The following RNF8 variants were observed in gnomAD, a reference collection of about 807,000 sequenced individuals.
RNF8 encodes ring finger protein 8.
In RNF8, 8 loss-of-function variants were observed where a neutral mutation model predicts 59.3. That is an observed-to-expected ratio of 0.13 (90% CI 0.08 to 0.24). RNF8 has a LOEUF of 0.24. Among genes scored for constraint, RNF8 ranks in the 10% least tolerant of loss-of-function variants. The probability of loss-of-function intolerance (pLI) is 1.00; values close to 1 mark genes in which losing one functional copy is unlikely to be tolerated. For missense variants in RNF8, 406 were observed against 572.6 expected (o/e 0.71, Z 2.97); for synonymous variants, 162 against 200.0 (o/e 0.81, Z 1.60).
In RNF8 at chr6:37,376,918, T is replaced by C; in HGVS notation, c.1129-8T>C. 2 of 1,600,390 alleles carry C rather than the reference T, an allele frequency of 1.2e-6. No individual in the cohort carries two copies. Among genetic ancestry groups the C allele is most frequent in the Middle Eastern group, 1.7e-4 (1 of 6,040 alleles). ...TCTGAATGACAGGTAGGATTGTGTG[T>C]CTTGCAGGAAGAGAAGGAGAAGATG... On this transcript the variant is annotated splice_region_variant and splice_polypyrimidine_tract_variant and intron_variant, in intron 5 of 7. Transcript: ENST00000373479.
chr6:37,365,198 A>G (rs903324354), intron 2 of RNF8, among the ~76,000 whole-genome samples: 2 of 152,250 alleles, frequency 1.3e-5, no homozygotes, highest in Non-Finnish European at 2.9e-5. Flanking sequence ...CGATAATGCA[A>G]CAGTGTGGAC....
intron 7 of RNF8, among the ~76,000 whole-genome samples, chr6:37,386,158 T>C (rs1770486637): frequency 6.8e-6 from 1 of 146,996 alleles, no homozygotes; most frequent in African/African-American, 2.4e-5. Context: ...CCTATCACTC[T>C]TATTGGCACC....
chr6:37,357,569 C>G (rs1039521889), intron 1 of RNF8, among the ~76,000 whole-genome samples: 2 of 152,176 alleles, frequency 1.3e-5, no homozygotes, highest in African/African-American at 4.8e-5. Context: ...AGATAAATCC[C>G]TAGCCATTCC....
chr6:37,381,068 C>A, intron 6 of RNF8, 82 bp from the exon 7 acceptor site: 3 of 1,193,004 alleles, frequency 2.5e-6, no homozygotes, highest in African/African-American at 1.5e-5. Flanking sequence ...GAAATTCACT[C>A]CTGTCCTAAC....
chr6:37,382,108 T>C (rs1034898152), intron 7 of RNF8, among the ~76,000 whole-genome samples: 2 of 152,304 alleles, frequency 1.3e-5, no homozygotes, highest in East Asian at 3.9e-4. Context: ...ACAGGAATAC[T>C]ACACTAGGCA....
At position 37,360,559 on chromosome 6, in the gene RNF8, A is replaced by C; in HGVS notation, c.225A>C (p.Thr75=). The change falls in exon 2 of 8, where the codon ACA becomes ACC. Residue 75 remains threonine (T), a synonymous_variant. Coordinates refer to ENST00000373479, the MANE Select transcript of RNF8 (RefSeq NM_003958.4). The surrounding 1 kb of genome is among the most constrained non-coding windows in gnomAD (Gnocchi z 4.2). ...AGCAGAATCCTGAGGGCCAATGGAC[A>C]ATTATGGACAACAAGGTACAGGAAT... The part of the protein sequence containing the change: ...VLKQNPEGQW[T]IMDNKSLNGV... The C allele has an allele frequency of 6.2e-7, 1 of 1,613,940 alleles. No individual in the cohort carries two copies. Among genetic ancestry groups the C allele is most frequent in the Middle Eastern group, 1.7e-4 (1 of 6,060 alleles).
chr6:37,358,894 C>T (rs1170038514), intron 1 of RNF8, among the ~76,000 whole-genome samples: 2 of 151,882 alleles, frequency 1.3e-5, no homozygotes, highest in African/African-American at 2.4e-5. Context: ...ATCAGGAGTT[C>T]GAGACCAGCC....
rs547379096 is a variant in RNF8 at position 37,390,943 on chromosome 6, T to C, written c.*185T>C. ...ACGGTGGCCAGCCCTGCTGCCATCA[T>C]TGGCTGAAGCACCACCAGGATTCAC... On this transcript the variant is annotated 3_prime_UTR_variant, in exon 8 of 8. Coordinates refer to ENST00000373479, the MANE Select transcript of RNF8 (RefSeq NM_003958.4). 19 of 918,898 alleles carry C rather than the reference T, an allele frequency of 2.1e-5. 1 individual carries two copies. Among genetic ancestry groups the C allele is most frequent in the African/African-American group, 1.5e-4 (9 of 61,594 alleles). 56.9% of individuals were successfully genotyped at this position (918,898 alleles called of 1,614,324 possible).
At chr6:37,372,296 C>T (rs1283641630) in intron 4 of RNF8, among the ~76,000 whole-genome samples, 1 of 152,090 alleles carries the variant, frequency 6.6e-6, no homozygotes, top group Non-Finnish European at 1.5e-5. Flanking sequence ...GGGAATTTAT[C>T]CTTTTATCGT....
At chr6:37,355,137 G>A (rs1212704146) in intron 1 of RNF8, among the ~76,000 whole-genome samples, 1 of 152,118 alleles carries the variant, frequency 6.6e-6, no homozygotes, top group Non-Finnish European at 1.5e-5. Context: ...GGTTCAAGAT[G>A]CACCAGCGTG....
At position 37,360,016 on chromosome 6, in the gene RNF8, C is replaced by T. The variant is rs1289720352; in HGVS notation, c.112-430C>T. Among the ~76,000 whole-genome samples the T allele has an allele frequency of 6.6e-6, 1 of 152,014 alleles. No homozygotes were observed. The highest frequency in any genetic ancestry group is 1.5e-5 in the Non-Finnish European group (1 of 68,016). Reference sequence around the variant, plus strand: ...GGGATTGGAGATTTCCCGATGGTGCCCAGGGCAAAGCCAGGGCCAATGGAT... The same window carrying T: ...GGGATTGGAGATTTCCCGATGGTGCTCAGGGCAAAGCCAGGGCCAATGGAT... On this transcript the variant is annotated intron_variant, in intron 1 of 7. Transcript: ENST00000373479. The surrounding 1 kb of genome is among the most constrained non-coding windows in gnomAD (Gnocchi z 4.2).
chr6:37,357,255 T>A (rs903910175), intron 1 of RNF8, among the ~76,000 whole-genome samples: 1 of 152,214 alleles, frequency 6.6e-6, no homozygotes, highest in Non-Finnish European at 1.5e-5. Context: ...GTCCTGAGAT[T>A]TCCAGGTAAC....
intron 7 of RNF8, among the ~76,000 whole-genome samples, chr6:37,383,165 A>AGCTAACTC (rs1770350149): frequency 1.3e-5 from 2 of 152,206 alleles, no homozygotes; most frequent in East Asian, 3.8e-4. Flanking sequence ...CTTCCCTGTT[A>AGCTAACTC]CATGCATTGG....
At chr6:37,389,091 C>T (rs551086304) in intron 7 of RNF8, among the ~76,000 whole-genome samples, 6 of 152,188 alleles carry the variant, frequency 3.9e-5, no homozygotes, top group South Asian at 2.1e-4. Flanking sequence ...TCTAGATTTC[C>T]GAACTCCTTG....
intron 1 of RNF8, chr6:37,359,183 G>A (rs1769225872): frequency 4.4e-6 from 2 of 453,062 alleles, no homozygotes; most frequent in Non-Finnish European, 8.8e-6. Context: ...TCCTTCACAG[G>A]GTTGTTATGA....
chr6:37,383,133 G>A (rs980148095), intron 7 of RNF8, among the ~76,000 whole-genome samples: 4 of 152,192 alleles, frequency 2.6e-5, no homozygotes, highest in South Asian at 2.1e-4. Context: ...ACACTAGGGG[G>A]CTACACAGTA....
In RNF8 at chr6:37,393,760, A is replaced by T. The variant is rs976915782; in HGVS notation, c.*3002A>T. The T allele has an allele frequency of 6.6e-6, 1 of 152,238 alleles. No homozygotes were observed. The highest frequency in any genetic ancestry group is 1.5e-5 in the Non-Finnish European group (1 of 68,060). The allele number at this position is 152,238 out of a possible 1,614,324, so 9.4% of individuals were successfully genotyped here. ...GGGGACTTTGTCCTTTGTGGATTGC[A>T]TAGCTGGATACCCATCATCTGTTTC... On this transcript the variant is annotated 3_prime_UTR_variant, in exon 8 of 8. Transcript: ENST00000373479.
At chr6:37,359,439 G>T in intron 1 of RNF8, 1 of 205,408 alleles carries the variant, frequency 4.9e-6, no homozygotes, top group Non-Finnish European at 1.0e-5. Flanking sequence ...AGGTATAGAA[G>T]GCATCATCTC....
intron 3 of RNF8, 45 bp downstream of exon 3, chr6:37,369,263 G>T (rs879085412): frequency 6.6e-7 from 1 of 1,525,570 alleles, no homozygotes; most frequent in South Asian, 1.3e-5. Flanking sequence ...CAGGGGTGGG[G>T]CAGGCACTTC....
Sources: gnomAD v4.1 joint callset for allele counts (sites outside exome capture counted in the v4.1 genomes callset) on GRCh38, gnomAD v4.1.1 for gene constraint, Gnocchi (gnomAD v3.1) non-coding constraint, MANE v1.5 for transcripts, NCBI Gene and HGNC (gene_info 2026-07-23, HGNC 2026-07-21) for gene names.